Variants in AGAP1 observed in about 807,000 individuals in gnomAD.
AGAP1 encodes the protein ArfGAP with GTPase domain, ankyrin repeat and PH domain 1.
In AGAP1, 29 loss-of-function variants were observed where a neutral mutation model predicts 105.3. The observed-to-expected ratio is 0.28, with a 90% CI of 0.21 to 0.38. The LOEUF is 0.38. AGAP1 is among the 10% of genes least tolerant of loss of function. The pLI is 1.00. For synonymous variants in AGAP1, 509 were observed against 485.9 expected, an observed-to-expected ratio of 1.05 and a Z score of -0.63; for missense variants, 998 against 1,165.1, an observed-to-expected ratio of 0.86 and a Z score of 2.09.
In AGAP1 at chr2:236,014,401, A is replaced by G. The variant is rs764619577; in HGVS notation, c.1646-22160A>G. 2.0e-5 allele frequency among the ~76,000 whole-genome samples: 3 copies of G among 152,200 alleles called. No individual in the cohort carries two copies. Among genetic ancestry groups the G allele is most frequent in the African/African-American group, 4.8e-5 (2 of 41,460 alleles). On this transcript the variant is annotated intron_variant, in intron 13 of 17. Transcript: ENST00000304032. This position sits in a 1 kb window ranked among gnomAD's most constrained non-coding sequence, Gnocchi z 6.3. ...GGTCTCTTGATTTGACATGCTCCTAATATTTGGCCGAATCAAAGGGCTTGT... is the reference window on the plus strand; with the variant it reads ...GGTCTCTTGATTTGACATGCTCCTAGTATTTGGCCGAATCAAAGGGCTTGT...
intron 16 of AGAP1, among the ~76,000 whole-genome samples, chr2:236,094,923 CAA>C (rs59126473): frequency 4.2e-3 from 159 of 37,772 alleles, no homozygotes; most frequent in African/African-American, 0.011. Flanking sequence ...CCCATCTCTA[CAA>C]AAAAAAAAAA....
At chr2:235,937,217 C>T (rs1034454913) in intron 12 of AGAP1, among the ~76,000 whole-genome samples, 2 of 152,304 alleles carry the variant, frequency 1.3e-5, no homozygotes, top group Non-Finnish European at 2.9e-5. Context: ...GCCTCACCGC[C>T]GGGAGGGCTG....
Position 235,946,942 on chromosome 2 carries a change from T to C in AGAP1, c.1483+16019T>C, listed in dbSNP as rs766377035. 5.9e-5 allele frequency among the ~76,000 whole-genome samples: 9 copies of C among 152,332 alleles called. No homozygotes were observed. The South Asian group carries it at 8.3e-4, about 14-fold the overall frequency. On this transcript the variant is annotated intron_variant, in intron 12 of 17. Coordinates refer to ENST00000304032, the MANE Select transcript of AGAP1 (RefSeq NM_001037131.3). ...CCCAGTTTAAACGTGCCCATGTCCT[T>C]CTTCCCCACCTTACTTCTGCGTGCC...
In AGAP1 at chr2:236,050,273, T is replaced by C. The variant is rs569707529; in HGVS notation, c.2114+992T>C. Among the ~76,000 whole-genome samples the C allele has an allele frequency of 2.0e-5, 3 of 152,364 alleles. No individual in the cohort carries two copies. The South Asian group carries it at 6.2e-4, about 32-fold the overall frequency. ...TTCGTGGACTTCAGTTCATTAACAC[T>C]GAAAAATGAATTTGTGGTGCCACCT... On this transcript the variant is annotated intron_variant, in intron 16 of 17. Coordinates refer to ENST00000304032, the MANE Select transcript of AGAP1 (RefSeq NM_001037131.3). This position sits in a 1 kb window ranked among gnomAD's most constrained non-coding sequence, Gnocchi z 4.0.
At chr2:236,059,849 T>C (rs1341641525) in intron 16 of AGAP1, among the ~76,000 whole-genome samples, 1 of 152,144 alleles carries the variant, frequency 6.6e-6, no homozygotes, top group Non-Finnish European at 1.5e-5. Flanking sequence ...CCTAGCACTT[T>C]GGGAGGCTGA....
At position 235,931,477 on chromosome 2, in the gene AGAP1, T is replaced by C. The variant is rs563046018; in HGVS notation, c.1483+554T>C. Among the ~76,000 whole-genome samples, 68 of 152,156 alleles carry C rather than the reference T, an allele frequency of 4.5e-4. No homozygotes were observed. The highest frequency in any genetic ancestry group is 8.8e-4 in the Non-Finnish European group (60 of 68,014). ...TATTTTGACAAGTGTATCCAGCTTT[T>C]TGGGGAATAAGCATGCACGTTGGAA... On this transcript the variant is annotated intron_variant, in intron 12 of 17. Coordinates refer to ENST00000304032, the MANE Select transcript of AGAP1 (RefSeq NM_001037131.3). The surrounding 1 kb of genome is among the most constrained non-coding windows in gnomAD (Gnocchi z 5.6).
chr2:235,718,049 G>C (rs138217060), intron 3 of AGAP1, among the ~76,000 whole-genome samples: 342 of 152,222 alleles, frequency 2.2e-3, no homozygotes, highest in African/African-American at 7.9e-3. Flanking sequence ...TCCGGGATAA[G>C]ACGTTCAGAT....
chr2:235,499,527 G>T (rs567774524), intron 1 of AGAP1, among the ~76,000 whole-genome samples: 2 of 152,276 alleles, frequency 1.3e-5, no homozygotes, highest in African/African-American at 4.8e-5. Context: ...CACTCAGTTG[G>T]CTTTTAGTTG....
At chr2:235,946,535 T>C (rs2053509979) in intron 12 of AGAP1, among the ~76,000 whole-genome samples, 1 of 152,204 alleles carries the variant, frequency 6.6e-6, no homozygotes, top group Non-Finnish European at 1.5e-5. Context: ...AATATTTTCA[T>C]GTACTTAACA....
chr2:235,519,668 C>A (rs557099002), intron 1 of AGAP1, among the ~76,000 whole-genome samples: 2 of 152,092 alleles, frequency 1.3e-5, no homozygotes, highest in Non-Finnish European at 2.9e-5. Context: ...ACCAAAAAAT[C>A]CAAACACACA....
chr2:235,833,691 G>A (rs544114266), intron 9 of AGAP1, among the ~76,000 whole-genome samples: 2 of 151,972 alleles, frequency 1.3e-5, no homozygotes, highest in Non-Finnish European at 1.5e-5. Flanking sequence ...ACAATAACTG[G>A]TAAACCTTTA....
At chr2:235,686,550 T>TACAC (rs530198533) in intron 1 of AGAP1, among the ~76,000 whole-genome samples, 991 of 90,134 alleles carry the variant, frequency 0.011, 15 homozygotes, top group South Asian at 0.068. Flanking sequence ...GAAGGAGATA[T>TACAC]ATATATACAC....
chr2:235,948,081 CAT>C (rs1575853315), intron 12 of AGAP1, among the ~76,000 whole-genome samples: 1 of 152,162 alleles, frequency 6.6e-6, no homozygotes, highest in East Asian at 1.9e-4. Context: ...GCAGGGGACT[CAT>C]GGGAAGGTTT....
At chr2:235,826,970 T>C (rs1404734392) in intron 9 of AGAP1, among the ~76,000 whole-genome samples, 4 of 152,308 alleles carry the variant, frequency 2.6e-5, no homozygotes, top group African/African-American at 9.6e-5. Flanking sequence ...ACTTTTCAGA[T>C]ACGGTGGCTC....
intron 9 of AGAP1, among the ~76,000 whole-genome samples, chr2:235,859,527 A>G (rs894322689): frequency 3.3e-5 from 4 of 121,308 alleles, no homozygotes; most frequent in African/African-American, 1.3e-4. Context: ...CTAGTTTCTT[A>G]TTTTTTCTGA....
At chr2:235,886,495 A>T (rs2050282496) in intron 10 of AGAP1, among the ~76,000 whole-genome samples, 1 of 152,182 alleles carries the variant, frequency 6.6e-6, no homozygotes. Context: ...TTCTTCAAAA[A>T]TTCTCCTATC....
chr2:235,880,083 C>CTTTTTTTTTTTTTTT (rs35633339), intron 9 of AGAP1, among the ~76,000 whole-genome samples: 2 of 138,890 alleles, frequency 1.4e-5, no homozygotes, highest in Non-Finnish European at 1.6e-5. Context: ...GCACTCTGGC[C>CTTTTTTTTTTTTTTT]TTTTTTTTTT....
chr2:236,105,394 A>G lies in AGAP1; in HGVS notation c.2115-14798A>G, dbSNP rs565485836. On this transcript the variant is annotated intron_variant, in intron 16 of 17. Transcript: ENST00000304032. This position sits in a 1 kb window ranked among gnomAD's most constrained non-coding sequence, Gnocchi z 4.2. Reference sequence around the variant, plus strand: ...CTGTGCCTGCTGTAACAAAATACACAACAGAAAGTATTCCTCACACTTCTG... The same window carrying G: ...CTGTGCCTGCTGTAACAAAATACACGACAGAAAGTATTCCTCACACTTCTG... 2.6e-5 allele frequency among the ~76,000 whole-genome samples: 4 copies of G among 152,008 alleles called. No homozygotes were observed. The South Asian group carries it at 8.3e-4, about 32-fold the overall frequency.
intron 11 of AGAP1, among the ~76,000 whole-genome samples, chr2:235,912,272 G>T (rs1363874341): frequency 6.6e-6 from 1 of 152,124 alleles, no homozygotes; most frequent in Middle Eastern, 3.2e-3. Flanking sequence ...TGAGTTTCTT[G>T]TGCTAAAATC....
Sources: gnomAD v4.1 joint callset for allele counts (sites outside exome capture counted in the v4.1 genomes callset) on GRCh38, gnomAD v4.1.1 for gene constraint, Gnocchi (gnomAD v3.1) non-coding constraint, MANE v1.5 for transcripts, NCBI Gene and HGNC (gene_info 2026-07-23, HGNC 2026-07-21) for gene names.